Variants in RPRD1A observed in about 807,000 individuals in gnomAD.
The protein encoded by RPRD1A is regulation of nuclear pre-mRNA domain-containing protein 1A.
In RPRD1A, 9 loss-of-function variants were observed where a neutral mutation model predicts 37.8. The observed-to-expected ratio is 0.24, with a 90% CI of 0.14 to 0.42. The LOEUF is 0.42. Among genes scored for constraint, RPRD1A ranks in the 10% least tolerant of loss-of-function variants. The probability of loss-of-function intolerance (pLI) is 1.00; values close to 1 mark genes in which losing one functional copy is unlikely to be tolerated. For missense variants in RPRD1A, 255 were observed against 371.0 expected (o/e 0.69, Z 2.57); for synonymous variants, 138 against 139.7 (o/e 0.99, Z 0.08).
intron 1 of RPRD1A, among the ~76,000 whole-genome samples, chr18:36,041,473 A>C (rs1568140768): frequency 6.6e-6 from 1 of 152,230 alleles, no homozygotes; most frequent in Non-Finnish European, 1.5e-5. Flanking sequence ...AGATAGATCT[A>C]ATTCAGTTCC....
In RPRD1A at chr18:36,027,309, G is replaced by A. The variant is rs758982237; in HGVS notation, c.488C>T (p.Thr163Ile). 1.2e-6 allele frequency: 2 copies of A among 1,613,468 alleles called. No homozygotes were observed. Among genetic ancestry groups the A allele is most frequent in the Non-Finnish European group, 1.7e-6 (2 of 1,179,670 alleles). ...SLGSPSEPPQ[T>I]LDLVRALQDL... The stretch of plus-strand genomic sequence containing the variant: ...TTGTAATGCTCTAACGAGATCTAGA[G>A]TCTAAAAAGTACACAACTTCAGAAC... The change falls in exon 5 of 7, where the codon ACT (threonine) becomes ATT (isoleucine). Residue 163 changes from threonine to isoleucine, a missense_variant and splice_region_variant. This residue lies in a region of RPRD1A where 211 missense variants were observed against 268.9 expected (regional missense o/e 0.78). Coordinates refer to ENST00000399022, the MANE Select transcript of RPRD1A (RefSeq NM_018170.5).
chr18:36,058,769 A>G (rs1242059826), intron 1 of RPRD1A, among the ~76,000 whole-genome samples: 1 of 152,228 alleles, frequency 6.6e-6, no homozygotes, highest in Non-Finnish European at 1.5e-5. Context: ...CATGGGGTCA[A>G]TTAAGTCAGA....
At chr18:36,029,796 T>C (rs929835732) in intron 4 of RPRD1A, among the ~76,000 whole-genome samples, 5 of 152,030 alleles carry the variant, frequency 3.3e-5, no homozygotes, top group South Asian at 4.2e-4. Context: ...CACATATATA[T>C]CACTCTAACA....
chr18:36,007,083 T>C (rs1292486934), intron 6 of RPRD1A, among the ~76,000 whole-genome samples: 1 of 152,220 alleles, frequency 6.6e-6, no homozygotes, highest in Non-Finnish European at 1.5e-5. Context: ...CCCTGTGTTT[T>C]ACTCTCAAAG....
intron 1 of RPRD1A, 29 bp downstream of exon 1, chr18:36,067,225 G>C (rs191329390): frequency 0.015 from 22,457 of 1,536,982 alleles, 211 homozygotes; most frequent in Non-Finnish European, 0.018. Flanking sequence ...CGGGTGGTGG[G>C]AAGCGGCCGA....
At chr18:36,043,450 G>T (rs1378962072) in intron 1 of RPRD1A, among the ~76,000 whole-genome samples, 3 of 152,006 alleles carry the variant, frequency 2.0e-5, no homozygotes, top group Non-Finnish European at 2.9e-5. Flanking sequence ...CATTCTAAAA[G>T]GCCAAAGGAA....
intron 1 of RPRD1A, among the ~76,000 whole-genome samples, chr18:36,040,079 G>A (rs1912476363): frequency 6.6e-6 from 1 of 152,036 alleles, no homozygotes. Context: ...CTATAGACTA[G>A]AAAAAGATTC....
At chr18:36,023,367 A>AAG (rs1391389811) in intron 6 of RPRD1A, among the ~76,000 whole-genome samples, 1 of 152,204 alleles carries the variant, frequency 6.6e-6, no homozygotes, top group Non-Finnish European at 1.5e-5. Context: ...TGCAAATAGC[A>AAG]AGAGAACGAG....
intron 4 of RPRD1A, among the ~76,000 whole-genome samples, chr18:36,028,430 A>G (rs10502656): frequency 0.091 from 13,839 of 152,230 alleles, 661 homozygotes; most frequent in African/African-American, 0.13. Context: ...AACAACAATT[A>G]CCAGAAAGCT....
At chr18:36,044,618 G>A (rs1264171130) in intron 1 of RPRD1A, among the ~76,000 whole-genome samples, 1 of 152,060 alleles carries the variant, frequency 6.6e-6, no homozygotes, top group Non-Finnish European at 1.5e-5. Context: ...AACCCAGGAG[G>A]TGGAGGTTAC....
At chr18:36,029,571 C>T (rs989350686) in intron 4 of RPRD1A, among the ~76,000 whole-genome samples, 3 of 151,102 alleles carry the variant, frequency 2.0e-5, no homozygotes, top group Non-Finnish European at 4.4e-5. Flanking sequence ...TTATCTGTCC[C>T]GCCTACATGT....
At chr18:36,019,462 T>C (rs967082385) in intron 6 of RPRD1A, among the ~76,000 whole-genome samples, 5 of 152,072 alleles carry the variant, frequency 3.3e-5, no homozygotes, top group Non-Finnish European at 5.9e-5. Flanking sequence ...AAAAGATCCA[T>C]ATGGTTGCAA....
In RPRD1A at chr18:36,026,936, T is replaced by C. The variant is rs768153056; in HGVS notation, c.753A>G (p.Gln251=). Residue 251 remains glutamine (Q), a synonymous_variant, in exon 6 of 7, where the codon CAA becomes CAG. Coordinates refer to ENST00000399022, the MANE Select transcript of RPRD1A (RefSeq NM_018170.5). ...GCTCTTTCTCTGCAAGGGCTTCCTT[T>C]TGACAACGAAGAAAATCTGCTAACA... ...TRMLADFLRC[Q]KEALAEKEHK... is the part of the protein sequence containing the mutation. The C allele has an allele frequency of 2.0e-5, 32 of 1,613,834 alleles. No homozygotes were observed. The highest frequency in any genetic ancestry group is 1.6e-4 in the Middle Eastern group (1 of 6,084).
intron 1 of RPRD1A, among the ~76,000 whole-genome samples, chr18:36,048,988 G>A (rs190640510): frequency 1.3e-5 from 2 of 152,172 alleles, no homozygotes; most frequent in Non-Finnish European, 2.9e-5. Flanking sequence ...TGCAACCTCC[G>A]CCTCCCAGGT....
Position 35,992,539 on chromosome 18 carries a change from A to G in RPRD1A, c.*612T>C, listed in dbSNP as rs1186162941. 6.6e-6 allele frequency: 1 copy of G among 152,216 alleles called. No homozygotes were observed. Among genetic ancestry groups the G allele is most frequent in the African/African-American group, 2.4e-5 (1 of 41,460 alleles). 9.4% of individuals were successfully genotyped at this position (152,216 alleles called of 1,614,324 possible). A position where few individuals can be genotyped will look rare whatever the true frequency, so the allele number is the denominator to read the frequency against. On this transcript the variant is annotated 3_prime_UTR_variant, in exon 7 of 7. Coordinates refer to ENST00000399022, the MANE Select transcript of RPRD1A (RefSeq NM_018170.5). ...CTGGCAGTTGGAATGGAACTTTTAC[A>G]ATGCTATTAAGGAACAGTTCTCTAG...
intron 6 of RPRD1A, among the ~76,000 whole-genome samples, chr18:36,011,795 TA>T (rs1268039530): frequency 6.6e-6 from 1 of 152,174 alleles, no homozygotes; most frequent in Non-Finnish European, 1.5e-5. Context: ...ATAAATGTCA[TA>T]AACTATTTAT....
intron 6 of RPRD1A, among the ~76,000 whole-genome samples, chr18:36,019,102 ATTTTT>A (rs946306446): frequency 2.5e-5 from 3 of 118,534 alleles, no homozygotes; most frequent in Admixed American, 9.2e-5. Flanking sequence ...GGGACCATTG[ATTTTT>A]TTTTTTTTTT....
chr18:36,060,549 G>A (rs969606101), intron 1 of RPRD1A, among the ~76,000 whole-genome samples: 3 of 152,262 alleles, frequency 2.0e-5, no homozygotes, highest in South Asian at 4.1e-4. Flanking sequence ...AGTTTAAGCC[G>A]TATTAGTGAA....
In RPRD1A at chr18:36,008,577, G is replaced by GTGTGTGTATGTATATATATATATA; in HGVS notation, c.790-15278_790-15277insTATATATATATATACATACACACA. Among the ~76,000 whole-genome samples the GTGTGTGTATGTATATATATATATA allele has an allele frequency of 1.9e-4, 9 of 47,792 alleles. 1 individual carries two copies. The highest frequency in any genetic ancestry group is 6.1e-4 in the African/African-American group (9 of 14,812). 31.4% of individuals were successfully genotyped at this position (47,792 alleles called of 152,430 possible). A position where few individuals can be genotyped will look rare whatever the true frequency, so the allele number is the denominator to read the frequency against. Reference sequence around the variant, plus strand: ...GGCGACACAGCAAGACCTTGTGTGTGTATATATATATATCTTTAAAAATCT... The same window carrying GTGTGTGTATGTATATATATATATA: ...GGCGACACAGCAAGACCTTGTGTGTGTGTGTGTATGTATATATATATATATATATATATATATCTTTAAAAATCT... On this transcript the variant is annotated intron_variant, in intron 6 of 6. Transcript: ENST00000399022.
Sources: gnomAD v4.1 joint callset for allele counts (sites outside exome capture counted in the v4.1 genomes callset) on GRCh38, gnomAD v4.1.1 for gene constraint, gnomAD v4.1.1 regional missense constraint, MANE v1.5 for transcripts, NCBI Gene and HGNC (gene_info 2026-07-23, HGNC 2026-07-21) for gene names.